TEX14: variants seen among roughly 807,000 people sequenced by gnomAD.
TEX14 encodes the protein testis expressed 14, intercellular bridge forming factor.
A neutral mutation model predicts 178.6 loss-of-function variants in TEX14; 168 were observed. The ratio of observed to expected loss-of-function variants is 0.94; its 90% confidence interval spans 0.83 to 1.07. TEX14 has a LOEUF of 1.07. Ranked by LOEUF, TEX14 falls within the 50% of genes least tolerant of loss-of-function variation. The probability of loss-of-function intolerance (pLI) is 0.00; values close to 1 mark genes in which losing one functional copy is unlikely to be tolerated. For synonymous variants in TEX14, 626 were observed against 634.1 expected (o/e 0.99, Z 0.19); for missense variants, 1,730 against 1,753.6 (o/e 0.99, Z 0.24).
chr17:58,635,155 A>G (rs2046406277), intron 2 of TEX14, among the ~76,000 whole-genome samples: 1 of 151,830 alleles, frequency 6.6e-6, no homozygotes, highest in Non-Finnish European at 1.5e-5. Context: ...AGTTAAAAGG[A>G]AAAAATGCTG....
Position 58,585,976 on chromosome 17 carries a change from G to T in TEX14, c.2895C>A (p.Pro965=), listed in dbSNP as rs138823742. 6.2e-7 allele frequency: 1 copy of T among 1,613,978 alleles called. No homozygotes were observed. The highest frequency in any genetic ancestry group is 2.2e-5 in the East Asian group (1 of 44,872). Residue 965 remains proline (P), a synonymous_variant, in exon 18 of 32, where the codon CCC becomes CCA. Coordinates refer to ENST00000349033, the MANE Select transcript of TEX14 (RefSeq NM_031272.5). Reference sequence around the variant, plus strand: ...TAATGGGGGGCTGCAGCAGGGCGTCGGGCTCATTTTCAGCCTCGCTCTCTA... The same window carrying T: ...TAATGGGGGGCTGCAGCAGGGCGTCTGGCTCATTTTCAGCCTCGCTCTCTA... The part of the protein sequence containing the change: ...LTLESEAENE[P]DALLQPPIRS...
At chr17:58,565,898 C>T in intron 26 of TEX14, 74 bp from the exon 27 acceptor site, 1 of 1,185,810 alleles carries the variant, frequency 8.4e-7, no homozygotes, top group Non-Finnish European at 1.2e-6. Flanking sequence ...AGCAGTGGTT[C>T]TCCAAGGGTG....
At chr17:58,573,018 G>A (rs766586008) in intron 23 of TEX14, among the ~76,000 whole-genome samples, 163 bp downstream of exon 23, 16 of 152,164 alleles carry the variant, frequency 1.1e-4, no homozygotes, top group Non-Finnish European at 7.4e-5. Context: ...CCATCACCCC[G>A]CCCCCTGGCC....
intron 15 of TEX14, among the ~76,000 whole-genome samples, chr17:58,588,958 T>A (rs926242322): frequency 1.3e-5 from 2 of 152,168 alleles, no homozygotes; most frequent in Admixed American, 6.6e-5. Flanking sequence ...CATTTTATCA[T>A]CTATTCAATT....
At chr17:58,629,760 G>A (rs1011157868) in intron 3 of TEX14, among the ~76,000 whole-genome samples, 2 of 151,078 alleles carry the variant, frequency 1.3e-5, no homozygotes, top group Non-Finnish European at 2.9e-5. Flanking sequence ...GCGTGAACTC[G>A]GGAGGCAGAG....
chr17:58,594,911 G>A (rs2045243490), intron 14 of TEX14, among the ~76,000 whole-genome samples: 1 of 152,046 alleles, frequency 6.6e-6, no homozygotes, highest in African/African-American at 2.4e-5. Context: ...AGCAAATTAA[G>A]GCAACAAATA....
chr17:58,675,307 T>C (rs754014088), intron 1 of TEX14: 1 of 153,080 alleles, frequency 6.5e-6, no homozygotes, highest in East Asian at 1.9e-4. Context: ...GTGGGCAAAC[T>C]AGTTGATTTT....
intron 10 of TEX14, 106 bp downstream of exon 10, chr17:58,611,055 C>A (rs2045732940): frequency 1.3e-6 from 1 of 783,884 alleles, no homozygotes; most frequent in Non-Finnish European, 2.1e-6. Context: ...TGAACAGGTT[C>A]ATCTCACCAA....
At chr17:58,629,783 C>T (rs2046238616) in intron 3 of TEX14, among the ~76,000 whole-genome samples, 1 of 150,428 alleles carries the variant, frequency 6.6e-6, no homozygotes, top group Non-Finnish European at 1.5e-5. Flanking sequence ...TGCAGTGAGC[C>T]GAGATCGCAC....
chr17:58,613,312 T>C (rs978428683), intron 9 of TEX14, 109 bp downstream of exon 9: 81 of 1,361,522 alleles, frequency 5.9e-5, no homozygotes, highest in Non-Finnish European at 8.2e-5. Flanking sequence ...AATAAAGATA[T>C]TTATCTTCCA....
intron 1 of TEX14, among the ~76,000 whole-genome samples, chr17:58,655,270 G>A (rs1274459326): frequency 1.3e-5 from 2 of 151,768 alleles, no homozygotes; most frequent in Admixed American, 1.3e-4. Flanking sequence ...CACAACCTCC[G>A]CCTCCCGGGT....
rs1335049306 is a variant in TEX14 at position 58,630,515 on chromosome 17, G to A, written c.176C>T (p.Ala59Val). 1 of 1,614,044 alleles carries A rather than the reference G, an allele frequency of 6.2e-7. No individual in the cohort carries two copies. The highest frequency in any genetic ancestry group is 1.1e-5 in the South Asian group (1 of 91,070). Reference sequence around the variant, plus strand: ...GCCCAATAACGCCGCAACAAAAAGTGCTGTTTGGCCCAAGGAGTTAACTGC... The same window carrying A: ...GCCCAATAACGCCGCAACAAAAAGTACTGTTTGGCCCAAGGAGTTAACTGC... ...VDAVNSLGQT[A>V]LFVAALLGLR... The change falls in exon 3 of 32, where the codon GCA becomes GTA. Residue 59 changes from alanine to valine, a missense_variant. Around this residue, in one of 2 missense-constraint regions of TEX14, gnomAD observed 789 missense variants for 681.2 expected, o/e 1.16. Transcript: ENST00000349033.
chr17:58,570,059 G>T (rs867280863), intron 25 of TEX14, among the ~76,000 whole-genome samples: 2 of 151,856 alleles, frequency 1.3e-5, no homozygotes, highest in Non-Finnish European at 1.5e-5. Context: ...CAAGGGAAAA[G>T]CCTCAAAATA....
chr17:58,658,180 A>G (rs920906270), intron 1 of TEX14, among the ~76,000 whole-genome samples: 13 of 152,198 alleles, frequency 8.5e-5, no homozygotes, highest in Admixed American at 3.3e-4. Context: ...TTGAGTAACA[A>G]TAAAACTCCG....
Position 58,599,114 on chromosome 17 carries a change from T to C in TEX14, c.2231A>G (p.Asn744Ser), listed in dbSNP as rs1478385432. The change falls in exon 14 of 32, where the codon AAT (asparagine) becomes AGT (serine). Residue 744 changes from asparagine to serine, a missense_variant. Physicochemically the swap from Asn to Ser is conservative, Grantham distance 46 (BLOSUM62 1). Coordinates refer to ENST00000349033, the MANE Select transcript of TEX14 (RefSeq NM_031272.5). ...LKIMQTIMHE[N>S]DDRLRNIEQI... ...CTCGATATTCCTCAGCCTATCATCA[T>C]TCTCGTGCATTATTGTCTGCATAAT... The C allele has an allele frequency of 6.2e-7, 1 of 1,614,226 alleles. No homozygotes were observed.
intron 24 of TEX14, among the ~76,000 whole-genome samples, chr17:58,571,278 C>T (rs1407806171): frequency 6.7e-6 from 1 of 150,026 alleles, no homozygotes; most frequent in South Asian, 2.1e-4. Flanking sequence ...CTCTGTCGCC[C>T]AGGCTGGAGT....
In TEX14 at chr17:58,599,600, G is replaced by A. The variant is rs1440853148; in HGVS notation, c.1745C>T (p.Pro582Leu). Residue 582 changes from proline to leucine, a missense_variant, in exon 14 of 32, where the codon CCA becomes CTA. Physicochemically the swap from Pro to Leu is moderately conservative, Grantham distance 98. Around this residue, in one of 2 missense-constraint regions of TEX14, gnomAD observed 941 missense variants for 1,072.4 expected, o/e 0.88. Coordinates refer to ENST00000349033, the MANE Select transcript of TEX14 (RefSeq NM_031272.5). ...CTCCCTGGCCATCAGACATGGATCT[G>A]GGGCCTGAGGATCTAGTGTCCCCTC... ...FTEGTLDPQA[P>L]DPCLMARETQ... 6.2e-7 allele frequency: 1 copy of A among 1,613,722 alleles called. No homozygotes were observed. The highest frequency in any genetic ancestry group is 8.5e-7 in the Non-Finnish European group (1 of 1,179,946).
intron 2 of TEX14, among the ~76,000 whole-genome samples, chr17:58,649,013 G>A (rs1172452069): frequency 6.7e-6 from 1 of 150,110 alleles, no homozygotes; most frequent in Non-Finnish European, 1.5e-5. Context: ...TCCTGACCTC[G>A]TGATCCGCTC....
At chr17:58,615,611 G>A (rs576086908) in intron 7 of TEX14, among the ~76,000 whole-genome samples, 19 of 151,882 alleles carry the variant, frequency 1.3e-4, no homozygotes, top group Middle Eastern at 3.4e-3. Context: ...CAACGTTACC[G>A]GCAATGTGGG....
Sources: allele counts gnomAD v4.1 joint callset (sites outside exome capture counted in the v4.1 genomes callset), GRCh38; gene constraint gnomAD v4.1.1; regional missense constraint gnomAD v4.1.1; transcripts MANE v1.5; gene names NCBI Gene and HGNC (gene_info 2026-07-23, HGNC 2026-07-21).